Variants in TNIK observed in about 807,000 individuals in gnomAD.
The protein encoded by TNIK is TRAF2 and NCK interacting kinase.
Under a neutral mutation model 191.3 loss-of-function variants are expected in TNIK, and 49 were observed. The ratio of observed to expected loss-of-function variants is 0.26; its 90% CI spans 0.20 to 0.32. The LOEUF (loss-of-function observed/expected upper bound fraction) is 0.32. TNIK is among the 10% of genes least tolerant of loss of function. TNIK has a pLI of 1.00. For synonymous variants in TNIK, 594 were observed against 600.9 expected, an observed-to-expected ratio of 0.99 and a Z score of 0.17; for missense variants, 1,155 against 1,702.3, an observed-to-expected ratio of 0.68 and a Z score of 5.66.
At chr3:171,407,209 G>A (rs1721810764) in intron 1 of TNIK, among the ~76,000 whole-genome samples, 1 of 152,142 alleles carries the variant, frequency 6.6e-6, no homozygotes, top group Non-Finnish European at 1.5e-5. Flanking sequence ...AAGAGAACTG[G>A]GGAGGCCTTC....
intron 24 of TNIK, among the ~76,000 whole-genome samples, chr3:171,085,897 T>C (rs61791153): frequency 0.1 from 15,601 of 152,196 alleles, 924 homozygotes; most frequent in Middle Eastern, 0.16. Flanking sequence ...CTTGAAGGCT[T>C]ACTTTAAAAA....
At chr3:171,102,380 T>C (rs192143806) in intron 21 of TNIK, among the ~76,000 whole-genome samples, 32 of 152,286 alleles carry the variant, frequency 2.1e-4, no homozygotes, top group Non-Finnish European at 4.3e-4. Flanking sequence ...AAGGAAGAGA[T>C]AATTTTGAGT....
chr3:171,307,967 G>A (rs1753631016), intron 2 of TNIK, among the ~76,000 whole-genome samples: 1 of 152,026 alleles, frequency 6.6e-6, no homozygotes, highest in Non-Finnish European at 1.5e-5. Context: ...TCTATCACTG[G>A]AAGAATCGAT....
At chr3:171,123,495 G>A in intron 18 of TNIK, 101 bp downstream of exon 18, 2 of 955,824 alleles carry the variant, frequency 2.1e-6, no homozygotes, top group South Asian at 4.2e-5. Flanking sequence ...AAGTCAACCT[G>A]CCTCTGAAGA....
chr3:171,069,355 C>G (rs191552522), intron 29 of TNIK, among the ~76,000 whole-genome samples: 44 of 152,284 alleles, frequency 2.9e-4, no homozygotes, highest in South Asian at 8.3e-4. Context: ...CTCTGGCCCC[C>G]CTCTTTCCCA....
At chr3:171,211,028 C>A in intron 4 of TNIK, 88 bp downstream of exon 4, 2 of 1,525,722 alleles carry the variant, frequency 1.3e-6, no homozygotes, top group South Asian at 2.4e-5. Flanking sequence ...AGGAGTTAAT[C>A]AAATTTTGTC....
At chr3:171,432,653 G>A (rs889920032) in intron 1 of TNIK, among the ~76,000 whole-genome samples, 1 of 152,160 alleles carries the variant, frequency 6.6e-6, no homozygotes, top group African/African-American at 2.4e-5. Flanking sequence ...AAAAGTTTAT[G>A]ATAAAATCCT....
At chr3:171,183,921 TAAAAA>T (rs11437224) in intron 7 of TNIK, among the ~76,000 whole-genome samples, 33 of 86,376 alleles carry the variant, frequency 3.8e-4, no homozygotes, top group Middle Eastern at 7.8e-3. Context: ...GACTCCGTCT[TAAAAA>T]AAAAAAAAAA....
chr3:171,116,911 T>C (rs1726790576), intron 18 of TNIK, among the ~76,000 whole-genome samples: 1 of 152,238 alleles, frequency 6.6e-6, no homozygotes, highest in African/African-American at 2.4e-5. Flanking sequence ...CAGGTGAGAA[T>C]TGCCTATTGA....
chr3:171,192,267 A>C (rs928695038), intron 5 of TNIK, among the ~76,000 whole-genome samples: 4 of 152,254 alleles, frequency 2.6e-5, no homozygotes, highest in African/African-American at 9.6e-5. Context: ...TATGTACCCC[A>C]TAAATCCTTA....
intron 10 of TNIK, among the ~76,000 whole-genome samples, chr3:171,163,422 AT>A (rs1209370323): frequency 1.3e-5 from 2 of 152,212 alleles, no homozygotes; most frequent in African/African-American, 4.8e-5. Flanking sequence ...GAATGCTCAG[AT>A]TTGATAAACA....
rs369928159 is a variant in TNIK at position 171,272,688 on chromosome 3, TTA to T, written c.124-44469_124-44468del. Among the ~76,000 whole-genome samples the T allele has an allele frequency of 4.5e-4, 68 of 152,250 alleles. 1 individual carries two copies. Among genetic ancestry groups the T allele is most frequent in the African/African-American group, 1.6e-3 (66 of 41,532 alleles). On this transcript the variant is annotated intron_variant, in intron 2 of 32. Transcript: ENST00000436636. ...TCTCAGTGCCAGAATTTGATTTTTT[TTA>T]TTTCAATCTCTGTTAAATTTCTCAT...
chr3:171,100,714 G>GA (rs377072771), intron 22 of TNIK, among the ~76,000 whole-genome samples: 376 of 30,690 alleles, frequency 0.012, 3 homozygotes, highest in East Asian at 0.071. Context: ...ACTCCAATAA[G>GA]AAAAAAAAAA....
rs1354307746 is a variant in TNIK at position 171,366,578 on chromosome 3, C to A, written c.123+3042G>T. Among the ~76,000 whole-genome samples, 2 of 151,932 alleles carry A rather than the reference C, an allele frequency of 1.3e-5. No homozygotes were observed. The highest frequency in any genetic ancestry group is 2.1e-4 in the South Asian group (1 of 4,820). On this transcript the variant is annotated intron_variant, in intron 2 of 32. Transcript: ENST00000436636. This position sits in a 1 kb window ranked among gnomAD's most constrained non-coding sequence, Gnocchi z 4.1. Reference sequence around the variant, plus strand: ...AAATTATATTATGACTCTCTTAGGGCAGCTTATAAAAAAGAAACTTATAAT... The same window carrying A: ...AAATTATATTATGACTCTCTTAGGGAAGCTTATAAAAAAGAAACTTATAAT...
At chr3:171,456,415 C>A (rs946184395) in intron 1 of TNIK, among the ~76,000 whole-genome samples, 1 of 152,200 alleles carries the variant, frequency 6.6e-6, no homozygotes, top group Non-Finnish European at 1.5e-5. Flanking sequence ...CATACACCCA[C>A]GTGGATACGG....
chr3:171,372,206 T>C (rs2108498579), intron 1 of TNIK, among the ~76,000 whole-genome samples: 1 of 152,268 alleles, frequency 6.6e-6, no homozygotes, highest in South Asian at 2.1e-4. Flanking sequence ...TCCCAACCAA[T>C]CAAAACCAAG....
chr3:171,070,761 C>A (rs977098376), intron 29 of TNIK, among the ~76,000 whole-genome samples: 1 of 152,166 alleles, frequency 6.6e-6, no homozygotes, highest in African/African-American at 2.4e-5. Context: ...TAAGTTAGCA[C>A]TGGGGACATA....
At chr3:171,421,472 T>A (rs1032083602) in intron 1 of TNIK, among the ~76,000 whole-genome samples, 1 of 152,180 alleles carries the variant, frequency 6.6e-6, no homozygotes, top group Non-Finnish European at 1.5e-5. Context: ...GTGATCCAAC[T>A]TGGATACATA....
chr3:171,244,784 TGATAG>T (rs1745403130), intron 2 of TNIK, among the ~76,000 whole-genome samples: 1 of 151,218 alleles, frequency 6.6e-6, no homozygotes, highest in Non-Finnish European at 1.5e-5. Context: ...AACTCAATAG[TGATAG>T]GATGACAACT....
Sources: allele counts gnomAD v4.1 joint callset (sites outside exome capture counted in the v4.1 genomes callset), GRCh38; gene constraint gnomAD v4.1.1; non-coding constraint Gnocchi (gnomAD v3.1); transcripts MANE v1.5; gene names NCBI Gene and HGNC (gene_info 2026-07-23, HGNC 2026-07-21).